TAB2: variants seen among roughly 807,000 people sequenced by gnomAD.
The protein encoded by TAB2 is TGF-beta-activated kinase 1 and MAP3K7-binding protein 2.
TAB2 carries 3 observed loss-of-function variants against 65.0 expected under a neutral mutation model. The ratio of observed to expected loss-of-function variants is 0.05; its 90% CI spans 0.02 to 0.12. The LOEUF (loss-of-function observed/expected upper bound fraction) is 0.12. TAB2 is among the 10% of genes least tolerant of loss of function. The pLI is 1.00. For missense variants in TAB2, 623 were observed against 840.3 expected (o/e 0.74, Z 3.20); for synonymous variants, 298 against 285.1 (o/e 1.05, Z -0.46).
intron 2 of TAB2, among the ~76,000 whole-genome samples, 156 bp downstream of exon 2, chr6:149,370,255 A>C (rs1164763456): frequency 1.3e-5 from 2 of 152,250 alleles, no homozygotes; most frequent in Non-Finnish European, 2.9e-5. Flanking sequence ...GGCCTTTGGC[A>C]AGATGGAGCT....
chr6:149,269,359 T>C (rs1253342875), intron 1 of TAB2, among the ~76,000 whole-genome samples: 4 of 152,220 alleles, frequency 2.6e-5, no homozygotes, highest in Middle Eastern at 3.2e-3. Context: ...GTGTATGTGA[T>C]AGATACCATT....
chr6:149,358,672 G>GTGTGTGTGTGTGTGTGTGTGTGTGTGTT (rs1210676011), intron 1 of TAB2, among the ~76,000 whole-genome samples: 1 of 151,116 alleles, frequency 6.6e-6, no homozygotes, highest in Non-Finnish European at 1.5e-5. Flanking sequence ...GTGTGTGTGT[G>GTGTGTGTGTGTGTGTGTGTGTGTGTGTT]TTTTCAGTAT....
At chr6:149,409,498 A>C (rs1782772803) in intron 6 of TAB2, 79 bp from the exon 7 acceptor site, 1 of 1,341,622 alleles carries the variant, frequency 7.5e-7, no homozygotes, top group East Asian at 2.4e-5. Flanking sequence ...TGTGCACTAC[A>C]AATGGTGTTT....
rs1438017076 is a variant in TAB2, at chr6:149,258,345, G to C, written c.-121+39569G>C. On this transcript the variant is annotated intron_variant, in intron 1 of 1. Coordinates refer to the TAB2 transcript ENST00000606202. ...GTCATTCAGTGATGTCACTGAACAT[G>C]AACTTAGGAAAATATAGACACACAA... is the stretch of plus-strand genomic sequence containing the variant. Among the ~76,000 whole-genome samples, 2 of 151,574 alleles carry C rather than the reference G, an allele frequency of 1.3e-5. 1 individual carries two copies.
chr6:149,334,535 C>T (rs896251098), intron 1 of TAB2, among the ~76,000 whole-genome samples: 4 of 151,940 alleles, frequency 2.6e-5, no homozygotes, highest in Admixed American at 6.6e-5. Flanking sequence ...AAAACTAACT[C>T]GGCAGGTAAA....
chr6:149,338,875 G>A (rs1200304704), intron 1 of TAB2, among the ~76,000 whole-genome samples: 4 of 152,166 alleles, frequency 2.6e-5, no homozygotes, highest in South Asian at 2.1e-4. Flanking sequence ...TTTCTGTATG[G>A]TTGAATCATT....
intron 2 of TAB2, among the ~76,000 whole-genome samples, chr6:149,374,949 C>G (rs544096921): frequency 6.6e-6 from 1 of 152,228 alleles, no homozygotes; most frequent in East Asian, 1.9e-4. Flanking sequence ...GCTTATCAGC[C>G]AAATGAAATA....
At chr6:149,238,573 C>A (rs1777541270) in intron 1 of TAB2, among the ~76,000 whole-genome samples, 1 of 152,204 alleles carries the variant, frequency 6.6e-6, no homozygotes, top group Non-Finnish European at 1.5e-5. Flanking sequence ...GCCCTGGCCT[C>A]CCAGAATGGC....
chr6:149,299,868 C>T (rs1018680491), intron 1 of TAB2, among the ~76,000 whole-genome samples: 1 of 151,270 alleles, frequency 6.6e-6, no homozygotes, highest in African/African-American at 2.4e-5. Context: ...ACTTAGCCGG[C>T]ATGGCGGTTC....
intron 1 of TAB2, among the ~76,000 whole-genome samples, chr6:149,333,051 C>T (rs1562419903): frequency 6.6e-6 from 1 of 152,282 alleles, no homozygotes; most frequent in South Asian, 2.1e-4. Flanking sequence ...TCAGTTTCTC[C>T]CACTAAATGT....
intron 6 of TAB2, chr6:149,400,340 G>C: frequency 6.3e-7 from 1 of 1,587,248 alleles, no homozygotes; most frequent in Non-Finnish European, 8.6e-7. Context: ...GTTAGGTGCG[G>C]ACCCGCCACC....
intron 1 of TAB2, among the ~76,000 whole-genome samples, chr6:149,298,525 G>C (rs1051708478): frequency 6.6e-6 from 1 of 152,156 alleles, no homozygotes; most frequent in Admixed American, 6.5e-5. Flanking sequence ...CTACCCCGGA[G>C]GCTGAGGTGG....
chr6:149,293,369 A>G (rs1778811504), intron 1 of TAB2, among the ~76,000 whole-genome samples: 1 of 152,234 alleles, frequency 6.6e-6, no homozygotes, highest in Admixed American at 6.5e-5. Context: ...AAGGCTGGAA[A>G]GTGCAATTGA....
At chr6:149,300,962 AT>A (rs1218817233) in intron 1 of TAB2, among the ~76,000 whole-genome samples, 3 of 152,242 alleles carry the variant, frequency 2.0e-5, no homozygotes, top group African/African-American at 7.2e-5. Context: ...TGAAATTGCT[AT>A]ATCAGGTGCT....
chr6:149,301,283 A>T (rs1443847469), intron 1 of TAB2, among the ~76,000 whole-genome samples: 1 of 152,234 alleles, frequency 6.6e-6, no homozygotes, highest in Non-Finnish European at 1.5e-5. Flanking sequence ...TCTGTCCACC[A>T]GCAGACAGTA....
intron 6 of TAB2, among the ~76,000 whole-genome samples, chr6:149,407,041 G>A (rs927330158): frequency 3.9e-5 from 6 of 152,136 alleles, no homozygotes; most frequent in African/African-American, 1.2e-4. Flanking sequence ...GTATAATTAG[G>A]TGTAGCTCTG....
intron 1 of TAB2, among the ~76,000 whole-genome samples, chr6:149,345,645 A>T (rs1780269866): frequency 6.6e-6 from 1 of 152,176 alleles, no homozygotes; most frequent in Admixed American, 6.5e-5. Flanking sequence ...TCTCCAGAAT[A>T]ATTAGTGTGT....
chr6:149,324,947 C>T (rs933256944), intron 1 of TAB2, among the ~76,000 whole-genome samples: 2 of 151,620 alleles, frequency 1.3e-5, no homozygotes, highest in African/African-American at 4.9e-5. Context: ...CAAGTGTGCG[C>T]AACTACATCC....
intron 6 of TAB2, among the ~76,000 whole-genome samples, chr6:149,407,930 T>C (rs901786703): frequency 1.3e-5 from 2 of 152,162 alleles, no homozygotes; most frequent in South Asian, 2.1e-4. Flanking sequence ...TAATAATACA[T>C]TGAAGTGTAA....
Sources: gnomAD v4.1 joint callset for allele counts (sites outside exome capture counted in the v4.1 genomes callset) on GRCh38, gnomAD v4.1.1 for gene constraint, MANE v1.5 for transcripts, NCBI Gene and HGNC (gene_info 2026-07-23, HGNC 2026-07-21) for gene names.